The following EIF2B4 variants were observed in gnomAD, a reference collection of about 807,000 sequenced individuals.
The protein encoded by EIF2B4 is eukaryotic translation initiation factor 2B subunit delta.
In EIF2B4, 34 loss-of-function variants were observed where a neutral mutation model predicts 66.7. The observed-to-expected ratio is 0.51, with a 90% CI of 0.39 to 0.68. EIF2B4 has a LOEUF of 0.68. Ranked by LOEUF, EIF2B4 falls within the 30% of genes least tolerant of loss-of-function variation. The pLI is 0.00. For synonymous variants in EIF2B4, 278 were observed against 253.6 expected (o/e 1.10, Z -0.92); for missense variants, 618 against 657.9 (o/e 0.94, Z 0.66).
At chr2:27,367,851 A>C (rs1369074860) in intron 7 of EIF2B4, 29 bp from the exon 8 acceptor site, 7 of 1,599,340 alleles carry the variant, frequency 4.4e-6, no homozygotes, top group Admixed American at 3.3e-5. Flanking sequence ...GATCTGCAAA[A>C]TACCCCTTAA....
rs1368015248 is a variant in EIF2B4 at position 27,368,203 on chromosome 2, C to G, written c.591-64G>C. ...TTGAGCATCTACTGCCCACCTGCCC[C>G]TGATGAAAAGGAACTCCCTTCACTA... is the stretch of plus-strand genomic sequence containing the variant. On this transcript the variant is annotated intron_variant, in intron 6 of 12. Coordinates refer to ENST00000347454, the MANE Select transcript of EIF2B4 (RefSeq NM_001034116.2). The G allele has an allele frequency of 4.9e-6, 7 of 1,419,558 alleles. No homozygotes were observed. The Admixed American group carries it at 1.2e-4, about 24-fold the overall frequency. The allele number at this position is 1,419,558 out of a possible 1,614,324, so 87.9% of individuals were successfully genotyped here.
chr2:27,369,456 C>G lies in EIF2B4; in HGVS notation c.169G>C (p.Glu57Gln), dbSNP rs1434676827. ...KKKRKEEKGA[E>Q]PETGSAVSAA... ...GATACAGCAGAGCCAGTCTCTGGTT[C>G]TGCCCCCTTTTCTTCCTTCCGTTTC... is the stretch of plus-strand genomic sequence containing the variant. Residue 57 changes from glutamate (E) to glutamine (Q), a missense_variant, in exon 3 of 13, where the codon GAA becomes CAA. Glu to Gln is a conservative substitution (Grantham distance 29, BLOSUM62 2). This residue lies in a region of EIF2B4 where 506 missense variants were observed against 511.9 expected (regional missense o/e 0.99). Coordinates refer to ENST00000347454, the MANE Select transcript of EIF2B4 (RefSeq NM_001034116.2). 1 of 1,614,150 alleles carries G rather than the reference C, an allele frequency of 6.2e-7. No individual in the cohort carries two copies. The highest frequency in any genetic ancestry group is 8.5e-7 in the Non-Finnish European group (1 of 1,180,036).
chr2:27,369,292 G>T, intron 3 of EIF2B4, 80 bp from the exon 4 acceptor site: 1 of 1,605,768 alleles, frequency 6.2e-7, no homozygotes, highest in East Asian at 2.2e-5. Flanking sequence ...TTCTCTCCTT[G>T]TAAACCTCTT....
intron 4 of EIF2B4, 63 bp downstream of exon 4, chr2:27,368,943 T>G: frequency 3.8e-6 from 6 of 1,599,810 alleles, no homozygotes; most frequent in Non-Finnish European, 5.1e-6. Flanking sequence ...GTTTTACTAT[T>G]GGGCAGCCTG....
chr2:27,366,814 G>A lies in EIF2B4; in HGVS notation c.1136C>T (p.Ala379Val), dbSNP rs886055901. 2 of 1,614,232 alleles carry A rather than the reference G, an allele frequency of 1.2e-6. No individual in the cohort carries two copies. The highest frequency in any genetic ancestry group is 1.3e-5 in the African/African-American group (1 of 75,058). The change falls in exon 11 of 13, where the codon GCT becomes GTT. Residue 379 changes from alanine to valine, a missense_variant. Physicochemically the swap from Ala to Val is moderately conservative, Grantham distance 64 (BLOSUM62 0). Transcript: ENST00000347454. ...CAGCAGGTAGGAGGCTGGGACACCAGCATGGACTAGAGAACGTAGTGTGTG... is the reference window on the plus strand; with the variant it reads ...CAGCAGGTAGGAGGCTGGGACACCAACATGGACTAGAGAACGTAGTGTGTG... Reference protein sequence around the residue: ...GRHTLRSLVHAGVPASYLLIP... With the variant: ...GRHTLRSLVHVGVPASYLLIP...
In EIF2B4 at chr2:27,366,778, G is replaced by C. The variant is rs113994036; in HGVS notation, c.1172C>G (p.Ala391Gly). The C allele has an allele frequency of 1.9e-6, 3 of 1,614,232 alleles. No homozygotes were observed. Among genetic ancestry groups the C allele is most frequent in the Admixed American group, 1.7e-5 (1 of 60,024 alleles). The change falls in exon 11 of 13, where the codon GCC becomes GGC. Residue 391 changes from alanine (A) to glycine (G), a missense_variant. Coordinates refer to ENST00000347454, the MANE Select transcript of EIF2B4 (RefSeq NM_001034116.2). ...ACTTACCTCTGGGAGCACATAGGAGGCTGCAGGAATCAGCAGGTAGGAGGC... is the reference window on the plus strand; with the variant it reads ...ACTTACCTCTGGGAGCACATAGGAGCCTGCAGGAATCAGCAGGTAGGAGGC... The part of the protein sequence containing the change: ...VPASYLLIPA[A>G]SYVLPEVSKV...
At position 27,369,513 on chromosome 2, in the gene EIF2B4, G is replaced by C. The variant is rs144798741; in HGVS notation, c.112C>G (p.Gln38Glu). 3 of 1,613,978 alleles carry C rather than the reference G, an allele frequency of 1.9e-6. No homozygotes were observed. The African/African-American group carries it at 4.0e-5, about 22-fold the overall frequency. ...TGCTGTTTCTTTTCCTTCCGAAGCT[G>C]CAGCTTTTCTTCTTTGGTCATTTCC... ...GREMTKEEKL[Q>E]LRKEKKQQKK... Residue 38 changes from glutamine to glutamate, a missense_variant, in exon 3 of 13, where the codon CAG becomes GAG. Around this residue, in one of 4 missense-constraint regions of EIF2B4, gnomAD observed 506 missense variants for 511.9 expected, o/e 0.99. Transcript: ENST00000347454.
chr2:27,367,209 G>T lies in EIF2B4; in HGVS notation c.886-8C>A, dbSNP rs1253647285. 1 of 1,614,076 alleles carries T rather than the reference G, an allele frequency of 6.2e-7. No individual in the cohort carries two copies. The highest frequency in any genetic ancestry group is 8.5e-7 in the Non-Finnish European group (1 of 1,180,022). On this transcript the variant is annotated splice_region_variant and splice_polypyrimidine_tract_variant and intron_variant, in intron 9 of 12. Transcript: ENST00000347454. ...TCGAAGTTCTGACTTGGCCTAAATG[G>T]AGTAAAATCCTTAGTGAACAAGAAA...
At position 27,369,094 on chromosome 2, in the gene EIF2B4, G is replaced by A. The variant is rs1003299688; in HGVS notation, c.330C>T (p.Ala110=). The A allele has an allele frequency of 5.0e-6, 8 of 1,613,866 alleles. No homozygotes were observed. The highest frequency in any genetic ancestry group is 5.1e-6 in the Non-Finnish European group (6 of 1,179,970). ...TTCTTGCCTGTTTCAGGGCCCGCTC[G>A]GCCTCCTGCTTGGCTCGACGCTCAG... The part of the protein sequence containing the change: ...LRAERRAKQE[A]ERALKQARKG... The change falls in exon 4 of 13, where the codon GCC becomes GCT. Residue 110 remains alanine (A), a synonymous_variant. Transcript: ENST00000347454.
chr2:27,370,072 C>T (rs1218021780), intron 1 of EIF2B4, 153 bp from the exon 2 acceptor site: 7 of 1,503,858 alleles, frequency 4.7e-6, no homozygotes, highest in Non-Finnish European at 6.2e-6. Context: ...GGACGCACTG[C>T]GCGGCGGATC....
In EIF2B4 at chr2:27,368,367, C is replaced by G; in HGVS notation, c.590+5G>C. ...AAAAGTTATGACAATTTCATAGGAT[C>G]CTACCTCATAAACTGGGTCAGAGAG... On this transcript the variant is annotated splice_donor_5th_base_variant and intron_variant, in intron 6 of 12. Transcript: ENST00000347454. The G allele has an allele frequency of 1.9e-6, 3 of 1,609,292 alleles. No homozygotes were observed. Among genetic ancestry groups the G allele is most frequent in the Non-Finnish European group, 2.6e-6 (3 of 1,175,654 alleles).
chr2:27,367,810 A>G lies in EIF2B4; in HGVS notation c.718T>C (p.Tyr240His). 2 of 1,614,040 alleles carry G rather than the reference A, an allele frequency of 1.2e-6. No individual in the cohort carries two copies. Among genetic ancestry groups the G allele is most frequent in the Non-Finnish European group, 1.7e-6 (2 of 1,179,912 alleles). The change falls in exon 8 of 13, where the codon TAC becomes CAC. Residue 240 changes from tyrosine (Y) to histidine (H), a missense_variant. By Grantham distance (83) the Tyr-to-His change is moderately conservative (BLOSUM62 2). This residue lies in a region of EIF2B4 where 506 missense variants were observed against 511.9 expected (regional missense o/e 0.99). Coordinates refer to ENST00000347454, the MANE Select transcript of EIF2B4 (RefSeq NM_001034116.2). ...LRALQQVIQDYTTPPNEELSR... is the reference protein window; with the variant it reads ...LRALQQVIQDHTTPPNEELSR... The stretch of plus-strand genomic sequence containing the variant: ...AGTTCTTCATTAGGCGGTGTTGTGT[A>G]ATCCTGAATCACCTATAGGGTACAC...
At chr2:27,368,280 A>G in intron 6 of EIF2B4, 92 bp downstream of exon 6, 3 of 1,371,522 alleles carry the variant, frequency 2.2e-6, no homozygotes, top group Admixed American at 3.6e-5. Context: ...ACTTTTTCCT[A>G]CAGAGTCCAT....
rs935923177 is a variant in EIF2B4 at position 27,366,933 on chromosome 2, T to C, written c.1017A>G (p.Ser339=). ...CCTGAAGAATTCGTGATACCAGAGA[T>C]GAGCTAGAGTGAATGAAGAGGAGGA... is the stretch of plus-strand genomic sequence containing the variant. ...NGDVILVYGC[S]SLVSRILQEA... is the part of the protein sequence containing the mutation. The change falls in exon 11 of 13, where the codon TCA becomes TCG. Residue 339 remains serine, a synonymous_variant. Coordinates refer to ENST00000347454, the MANE Select transcript of EIF2B4 (RefSeq NM_001034116.2). 13 of 1,614,012 alleles carry C rather than the reference T, an allele frequency of 8.1e-6. No individual in the cohort carries two copies. The African/African-American group carries it at 1.3e-4, about 17-fold the overall frequency.
intron 11 of EIF2B4, 160 bp downstream of exon 11, chr2:27,366,599 A>T: frequency 1.2e-6 from 1 of 807,318 alleles, no homozygotes; most frequent in Non-Finnish European, 2.1e-6. Context: ...AGATCACCTG[A>T]GCCCAGGAGG....
Position 27,368,124 on chromosome 2 carries a change from C to G in EIF2B4, c.606G>C (p.Val202=). 1 of 1,593,018 alleles carries G rather than the reference C, an allele frequency of 6.3e-7. No homozygotes were observed. The highest frequency in any genetic ancestry group is 8.6e-7 in the Non-Finnish European group (1 of 1,169,334). The stretch of plus-strand genomic sequence containing the variant: ...CGAGTCGCACCATGGCTGGGTGGAT[C>G]ACAGAGGATGGGATGCTGATGGGAT... The part of the protein sequence containing the change: ...LTQFMSIPSS[V]IHPAMVRLGL... The change falls in exon 7 of 13, where the codon GTG becomes GTC. Residue 202 remains valine, a synonymous_variant. Coordinates refer to ENST00000347454, the MANE Select transcript of EIF2B4 (RefSeq NM_001034116.2).
In EIF2B4 at chr2:27,367,452, A is replaced by G. The variant is rs2148374457; in HGVS notation, c.885+5T>C. 3 of 1,613,988 alleles carry G rather than the reference A, an allele frequency of 1.9e-6. No homozygotes were observed. Among genetic ancestry groups the G allele is most frequent in the Non-Finnish European group, 2.5e-6 (3 of 1,179,992 alleles). On this transcript the variant is annotated splice_donor_5th_base_variant and intron_variant, in intron 9 of 12. Transcript: ENST00000347454. ...CATGCCTTCCTTATTTCTCATACTC[A>G]TCACCTCCTCTTCCCGCTTGGAACT...
rs1681718295 is a variant in EIF2B4 at position 27,364,760 on chromosome 2, A to G, written c.1330T>C (p.Cys444Arg). The change falls in exon 12 of 13, where the codon TGT becomes CGT. Residue 444 changes from cysteine (C) to arginine (R), a missense_variant. Cys to Arg is a radical substitution (Grantham distance 180). Around this residue, in one of 4 missense-constraint regions of EIF2B4, gnomAD observed 36 missense variants for 65.5 expected, o/e 0.55. Transcript: ENST00000347454. ...VLVCCETYKFCERVQTDAFVS... is the reference protein window; with the variant it reads ...VLVCCETYKFRERVQTDAFVS... The stretch of plus-strand genomic sequence containing the variant: ...AAGGCATCAGTCTGCACACGCTCAC[A>G]GAACTTGTATGTTTCACAGCAAACC... 1.2e-6 allele frequency: 2 copies of G among 1,614,220 alleles called. No individual in the cohort carries two copies. Among genetic ancestry groups the G allele is most frequent in the East Asian group, 2.2e-5 (1 of 44,886 alleles).
At position 27,369,005 on chromosome 2, in the gene EIF2B4, C is replaced by T; in HGVS notation, c.418+1G>A. 1 of 1,614,106 alleles carries T rather than the reference C, an allele frequency of 6.2e-7. No homozygotes were observed. The highest frequency in any genetic ancestry group is 8.5e-7 in the Non-Finnish European group (1 of 1,180,008). On this transcript the variant is annotated splice_donor_variant, in intron 4 of 12. Transcript: ENST00000347454. LOFTEE classifies it high-confidence loss of function. Reference sequence around the variant, plus strand: ...GAGGTCTTAAAATGAAGGGAAGATACCTGAGGGGGTTTCTCCAGCTGTGCT... The same window carrying T: ...GAGGTCTTAAAATGAAGGGAAGATATCTGAGGGGGTTTCTCCAGCTGTGCT...
Sources: gnomAD v4.1 joint callset for allele counts on GRCh38, gnomAD v4.1.1 for gene constraint, gnomAD v4.1.1 regional missense constraint, MANE v1.5 for transcripts, NCBI Gene and HGNC (gene_info 2026-07-23, HGNC 2026-07-21) for gene names.